OGT: variants seen among roughly 807,000 people sequenced by gnomAD.
OGT encodes the protein UDP-N-acetylglucosamine--peptide N-acetylglucosaminyltransferase 110 kDa subunit.
A neutral mutation model predicts 75.8 loss-of-function variants in OGT; 3 were observed. That is an observed-to-expected ratio of 0.04 (90% CI 0.02 to 0.10). The LOEUF (loss-of-function observed/expected upper bound fraction) is 0.10, where lower values mean the gene tolerates loss of function less well. Ranked by LOEUF, OGT falls within the 10% of genes least tolerant of loss-of-function variation. The probability of loss-of-function intolerance (pLI) is 1.00; values close to 1 mark genes in which losing one functional copy is unlikely to be tolerated. For missense variants in OGT, 260 were observed against 824.4 expected (o/e 0.32, Z 8.38); for synonymous variants, 257 against 289.7 (o/e 0.89, Z 1.15).
rs775727980 is a variant in OGT, at chrX:71,549,711, A to G, written c.648+1688A>G. Among the ~76,000 whole-genome samples the G allele has an allele frequency of 1.1e-4, 12 of 111,300 alleles. No homozygotes were observed. The South Asian group carries it at 3.8e-3, about 35-fold the overall frequency. ...GAGTTTGAGTCTGCAGTGAGCTGTGATCATGCAACTGCACTCCAGCCTGGG... is the reference window on the plus strand; with the variant it reads ...GAGTTTGAGTCTGCAGTGAGCTGTGGTCATGCAACTGCACTCCAGCCTGGG... On this transcript the variant is annotated intron_variant, in intron 5 of 21. Transcript: ENST00000373719.
rs1432717591 is a variant in OGT at position 71,563,179 on chromosome X, G to A, written c.2198G>A (p.Arg733Gln). ...FKSNGHIYDN[R>Q]IVLNGIDLKA... ...TCCAATGGGCACATTTATGACAATC[G>A]GATAGTTCTGAATGGCATCGACCTC... is the stretch of plus-strand genomic sequence containing the variant. The change falls in exon 17 of 22, where the codon CGG becomes CAG. Residue 733 changes from arginine to glutamine, a missense_variant. This residue lies in a region of OGT where 79 missense variants were observed against 141.0 expected (regional missense o/e 0.56). Transcript: ENST00000373719. 3 of 1,211,521 alleles carry A rather than the reference G, an allele frequency of 2.5e-6. No individual in the cohort carries two copies. Among genetic ancestry groups the A allele is most frequent in the East Asian group, 3.0e-5 (1 of 33,865 alleles).
At chrX:71,546,597 T>C in intron 4 of OGT, 1 of 738,816 alleles carries the variant, frequency 1.4e-6, no homozygotes, top group Non-Finnish European at 1.6e-6. Flanking sequence ...AAGCAAGTTA[T>C]GTAAGAGAAT....
At chrX:71,538,960 T>C (rs992483155) in intron 3 of OGT, among the ~76,000 whole-genome samples, 1 of 112,265 alleles carries the variant, frequency 8.9e-6, no homozygotes, top group African/African-American at 3.2e-5. Flanking sequence ...ACAATAATTC[T>C]TCAAAATAGA....
chrX:71,561,648 C>T, intron 14 of OGT, 127 bp from the exon 15 acceptor site: 1 of 516,404 alleles, frequency 1.9e-6, no homozygotes, highest in Non-Finnish European at 2.9e-6. Context: ...GTGTTCTTAC[C>T]TCTTTTCCAT....
chrX:71,537,421 C>G (rs1043318656), intron 2 of OGT, among the ~76,000 whole-genome samples: 1 of 111,731 alleles, frequency 9.0e-6, no homozygotes, highest in Non-Finnish European at 1.9e-5. Context: ...CCTGCCTCAG[C>G]CTCCTGAGTA....
At chrX:71,563,556 T>G in intron 18 of OGT, 57 bp downstream of exon 18, 2 of 949,122 alleles carry the variant, frequency 2.1e-6, no homozygotes, top group Admixed American at 5.8e-5. Context: ...TTATTTCCCT[T>G]AACCTCATGA....
intron 3 of OGT, among the ~76,000 whole-genome samples, chrX:71,543,466 A>G (rs2040234270): frequency 9.0e-6 from 1 of 110,842 alleles, no homozygotes; most frequent in South Asian, 3.8e-4. Flanking sequence ...ACTGCTTTTC[A>G]TTATTCACCC....
At chrX:71,564,833 T>A in intron 19 of OGT, 80 bp downstream of exon 19, 1 of 812,442 alleles carries the variant, frequency 1.2e-6, no homozygotes, top group Admixed American at 2.9e-5. Context: ...TCCACTCCCA[T>A]TTAGGAGCTG....
intron 21 of OGT, among the ~76,000 whole-genome samples, chrX:71,570,759 A>G (rs1157982980): frequency 1.8e-5 from 2 of 110,760 alleles, no homozygotes; most frequent in Non-Finnish European, 3.8e-5. Context: ...AATAAGATTC[A>G]TGTCCATTAG....
At chrX:71,558,048 C>T (rs753019169) in intron 12 of OGT, among the ~76,000 whole-genome samples, 80 of 109,139 alleles carry the variant, frequency 7.3e-4, no homozygotes, top group Non-Finnish European at 8.2e-4. Flanking sequence ...TTGACCTCCC[C>T]GAGCTTAGGT....
chrX:71,559,323 T>C lies in OGT; in HGVS notation c.1659T>C (p.Asp553=). The part of the protein sequence containing the change: ...YEHPKDLKLS[D]GRLRVGYVSS... ...ATCCAAAAGACTTGAAGCTCAGTGA[T>C]GGTCGGCTGCGTGTAGGATATGTGA... The change falls in exon 13 of 22, where the codon GAT becomes GAC. Residue 553 remains aspartate, a synonymous_variant. Coordinates refer to ENST00000373719, the MANE Select transcript of OGT (RefSeq NM_181672.3). The C allele has an allele frequency of 8.3e-7, 1 of 1,210,629 alleles. No individual in the cohort carries two copies. Among genetic ancestry groups the C allele is most frequent in the Non-Finnish European group, 1.1e-6 (1 of 894,441 alleles).
chrX:71,549,205 A>G (rs1287801132), intron 5 of OGT, among the ~76,000 whole-genome samples: 2 of 97,314 alleles, frequency 2.1e-5, no homozygotes, highest in African/African-American at 7.6e-5. Context: ...CTGAGGTGGG[A>G]GGATTGCTTG....
intron 5 of OGT, among the ~76,000 whole-genome samples, chrX:71,550,595 T>C (rs1480609959): frequency 8.9e-6 from 1 of 111,803 alleles, no homozygotes; most frequent in Non-Finnish European, 1.9e-5. Flanking sequence ...TTTGCCCGTA[T>C]TTTAATGGGC....
intron 19 of OGT, 45 bp downstream of exon 19, chrX:71,564,798 AG>A: frequency 1.0e-6 from 1 of 1,002,443 alleles, no homozygotes; most frequent in Non-Finnish European, 1.4e-6. Flanking sequence ...TTTTGTATCT[AG>A]AGCTTCTTGC....
intron 4 of OGT, chrX:71,547,238 C>T: frequency 1.3e-6 from 1 of 754,035 alleles, no homozygotes; most frequent in South Asian, 6.7e-5. Context: ...AGACATTTTT[C>T]TCCTCAGTAG....
chrX:71,562,119 C>T (rs1435337235), intron 15 of OGT, among the ~76,000 whole-genome samples: 1 of 112,419 alleles, frequency 8.9e-6, no homozygotes, highest in Admixed American at 9.4e-5. Flanking sequence ...TGGCTATGAA[C>T]AGTTACTCTG....
At chrX:71,558,940 A>ATTTT (rs1225555559) in intron 12 of OGT, among the ~76,000 whole-genome samples, 1 of 83,549 alleles carries the variant, frequency 1.2e-5, no homozygotes, top group Non-Finnish European at 2.4e-5. Flanking sequence ...CGCCCAGCTA[A>ATTTT]TTTTTTTTTT....
At chrX:71,570,329 G>A (rs1264743994) in intron 21 of OGT, among the ~76,000 whole-genome samples, 1 of 111,614 alleles carries the variant, frequency 9.0e-6, no homozygotes, top group Non-Finnish European at 1.9e-5. Flanking sequence ...ATAAGCCACC[G>A]TGCCTGACGG....
Position 71,533,128 on chromosome X carries a change from G to A in OGT, c.-172G>A. ...CATTTCAAGACCGTACTAGGTAGATGGTCAATTAGAGTTCCCAGGGTTTGA... is the reference window on the plus strand; with the variant it reads ...CATTTCAAGACCGTACTAGGTAGATAGTCAATTAGAGTTCCCAGGGTTTGA... On this transcript the variant is annotated 5_prime_UTR_variant, in exon 1 of 22. The change abolishes an upstream ATG in the 5' untranslated region. Coordinates refer to ENST00000373719, the MANE Select transcript of OGT (RefSeq NM_181672.3). 4 of 471,890 alleles carry A rather than the reference G, an allele frequency of 8.5e-6. No individual in the cohort carries two copies. The highest frequency in any genetic ancestry group is 5.2e-4 in the Middle Eastern group (1 of 1,926). The allele number at this position is 471,890 out of a possible 1,213,427, so 38.9% of individuals were successfully genotyped here.
Sources: allele counts gnomAD v4.1 joint callset (sites outside exome capture counted in the v4.1 genomes callset), GRCh38; gene constraint gnomAD v4.1.1; regional missense constraint gnomAD v4.1.1; transcripts MANE v1.5; gene names NCBI Gene and HGNC (gene_info 2026-07-23, HGNC 2026-07-21).